The following C1orf21 variants were observed in gnomAD, a reference collection of about 807,000 sequenced individuals.
The protein encoded by C1orf21 is uncharacterized protein C1orf21.
In C1orf21, 3 loss-of-function variants were observed where a neutral mutation model predicts 18.7. The observed-to-expected ratio is 0.16, with a 90% CI of 0.07 to 0.42. C1orf21 has a LOEUF of 0.42. C1orf21 is among the 10% of genes least tolerant of loss of function. The probability of loss-of-function intolerance (pLI) is 0.99; values close to 1 mark genes in which losing one functional copy is unlikely to be tolerated. For synonymous variants in C1orf21, 41 were observed against 46.4 expected, an observed-to-expected ratio of 0.88 and a Z score of 0.47; for missense variants, 104 against 143.6, an observed-to-expected ratio of 0.72 and a Z score of 1.41.
chr1:184,579,714 T>C (rs1259706276), intron 3 of C1orf21, among the ~76,000 whole-genome samples: 1 of 151,942 alleles, frequency 6.6e-6, no homozygotes. Context: ...TTTCACCATG[T>C]TGGTTAGGCT....
intron 2 of C1orf21, among the ~76,000 whole-genome samples, chr1:184,482,183 G>T (rs1199960141): frequency 6.6e-6 from 1 of 152,200 alleles, no homozygotes; most frequent in East Asian, 1.9e-4. Context: ...GCTCAGTCAT[G>T]CAGCTGCATA....
At chr1:184,548,948 A>G (rs893501980) in intron 3 of C1orf21, among the ~76,000 whole-genome samples, 1 of 152,206 alleles carries the variant, frequency 6.6e-6, no homozygotes, top group Non-Finnish European at 1.5e-5. Context: ...TTAATAAAGA[A>G]CATATATTAC....
Position 184,505,306 on chromosome 1 carries a change from AATATATATAT to A in C1orf21, c.95-2256_95-2247del, listed in dbSNP as rs59445875. Among the ~76,000 whole-genome samples, 35 of 66,772 alleles carry A rather than the reference AATATATATAT, an allele frequency of 5.2e-4. 1 individual carries two copies. The highest frequency in any genetic ancestry group is 2.4e-3 in the Admixed American group (12 of 5,094). The allele number at this position is 66,772 out of a possible 152,430, so 43.8% of individuals were successfully genotyped here. A position where few individuals can be genotyped will look rare whatever the true frequency, so the allele number is the denominator to read the frequency against. On this transcript the variant is annotated intron_variant, in intron 2 of 5. Transcript: ENST00000235307. ...AGAATCCACTTGTGATACATAAAGA[AATATATATAT>A]ATATATATATATATATATATATATA...
intron 4 of C1orf21, among the ~76,000 whole-genome samples, chr1:184,593,271 T>TTGGG (rs1659464638): frequency 6.7e-6 from 1 of 149,692 alleles, no homozygotes; most frequent in African/African-American, 2.4e-5. Flanking sequence ...AGCAGCATGC[T>TTGGG]TGTGTGTGTG....
chr1:184,521,738 T>G (rs2101969447), intron 3 of C1orf21, among the ~76,000 whole-genome samples: 1 of 152,236 alleles, frequency 6.6e-6, no homozygotes, highest in South Asian at 2.1e-4. Flanking sequence ...GAGAGTGAAA[T>G]TTAACGTACA....
At chr1:184,581,117 T>C (rs1427846899) in intron 3 of C1orf21, among the ~76,000 whole-genome samples, 2 of 151,986 alleles carry the variant, frequency 1.3e-5, no homozygotes, top group Admixed American at 1.3e-4. Context: ...GGTCGTGTAG[T>C]GTGTGCAGGA....
At chr1:184,429,119 CTT>C (rs1279053894) in intron 1 of C1orf21, among the ~76,000 whole-genome samples, 3 of 152,190 alleles carry the variant, frequency 2.0e-5, no homozygotes, top group Admixed American at 2.0e-4. Context: ...GTGCTAAACA[CTT>C]TGATTACTCA....
rs1659918057 is a variant in C1orf21, at chr1:184,621,671, A to G, written c.*2115A>G. 6.6e-6 allele frequency: 1 copy of G among 152,224 alleles called. No individual in the cohort carries two copies. Among genetic ancestry groups the G allele is most frequent in the African/African-American group, 2.4e-5 (1 of 41,454 alleles). 9.4% of individuals were successfully genotyped at this position (152,224 alleles called of 1,614,324 possible). On this transcript the variant is annotated 3_prime_UTR_variant, in exon 6 of 6. Transcript: ENST00000235307. ...CCAGAAAACCACCACCCTCTACCCA[A>G]AGATGAAACATGCTCATGTCATTTT...
chr1:184,613,914 G>A (rs1659777796), intron 5 of C1orf21, among the ~76,000 whole-genome samples: 1 of 152,102 alleles, frequency 6.6e-6, no homozygotes, highest in Non-Finnish European at 1.5e-5. Context: ...GGCTGAGGAA[G>A]GAAAATTGCT....
rs1053038078 is a variant in C1orf21, at chr1:184,609,083, C to G, written c.328-10435C>G. Among the ~76,000 whole-genome samples, 3 of 152,322 alleles carry G rather than the reference C, an allele frequency of 2.0e-5. No individual in the cohort carries two copies. The East Asian group carries it at 5.8e-4, about 29-fold the overall frequency. On this transcript the variant is annotated intron_variant, in intron 5 of 5. Coordinates refer to ENST00000235307, the MANE Select transcript of C1orf21 (RefSeq NM_030806.4). ...GTGGTCCCTCAAACAGTGTCACCCC[C>G]CTTTGTGGAGAGGAAAGAAAGGAAC...
intron 3 of C1orf21, among the ~76,000 whole-genome samples, chr1:184,531,831 G>A (rs1005889941): frequency 2.6e-5 from 4 of 152,110 alleles, no homozygotes; most frequent in African/African-American, 9.7e-5. Context: ...CTACAGCTGA[G>A]ATTGTATATC....
intron 1 of C1orf21, among the ~76,000 whole-genome samples, chr1:184,465,787 G>C (rs2101985877): frequency 6.6e-6 from 1 of 152,298 alleles, no homozygotes; most frequent in African/African-American, 2.4e-5. Context: ...CTGTTATACT[G>C]TTTTCTGATA....
At chr1:184,547,195 G>A (rs903288847) in intron 3 of C1orf21, among the ~76,000 whole-genome samples, 43 of 152,276 alleles carry the variant, frequency 2.8e-4, no homozygotes, top group African/African-American at 1.0e-3. Flanking sequence ...AGCCAGAAGA[G>A]GCCAGACCAT....
At chr1:184,534,396 A>G (rs1012694805) in intron 3 of C1orf21, among the ~76,000 whole-genome samples, 2 of 152,232 alleles carry the variant, frequency 1.3e-5, no homozygotes, top group Admixed American at 1.3e-4. Flanking sequence ...AGAAGGTGGT[A>G]GAGCTAAAAC....
At chr1:184,394,999 C>T (rs1471602525) in intron 1 of C1orf21, among the ~76,000 whole-genome samples, 1 of 152,060 alleles carries the variant, frequency 6.6e-6, no homozygotes, top group Non-Finnish European at 1.5e-5. Context: ...CTGCCTCACC[C>T]TGGGATATCC....
chr1:184,404,888 AC>A (rs1178593370), intron 1 of C1orf21, among the ~76,000 whole-genome samples: 1 of 152,068 alleles, frequency 6.6e-6, no homozygotes, highest in African/African-American at 2.4e-5. Flanking sequence ...GCAGAGAGAG[AC>A]CTGCTTGGAT....
intron 5 of C1orf21, among the ~76,000 whole-genome samples, chr1:184,602,516 AG>A (rs1659598690): frequency 6.6e-6 from 1 of 152,214 alleles, no homozygotes; most frequent in Admixed American, 6.5e-5. Context: ...CATGATTCAC[AG>A]GCTCCTAGAA....
At chr1:184,565,190 A>C (rs1198910651) in intron 3 of C1orf21, among the ~76,000 whole-genome samples, 1 of 152,258 alleles carries the variant, frequency 6.6e-6, no homozygotes, top group Admixed American at 6.5e-5. Context: ...ATATGCACAC[A>C]CATAATAAAT....
chr1:184,628,871 C>T lies in C1orf21; in HGVS notation c.*9315C>T, dbSNP rs556256277. 1 of 152,648 alleles carries T rather than the reference C, an allele frequency of 6.6e-6. No homozygotes were observed. The highest frequency in any genetic ancestry group is 2.1e-4 in the South Asian group (1 of 4,802). 9.5% of individuals were successfully genotyped at this position (152,648 alleles called of 1,614,324 possible). ...GCTTGAATATTATTTTTGATTTGAC[C>T]ACCAAGATGTAATGATGATTCTATT... On this transcript the variant is annotated 3_prime_UTR_variant, in exon 6 of 6. Transcript: ENST00000235307.
Sources: allele counts gnomAD v4.1 joint callset (sites outside exome capture counted in the v4.1 genomes callset), GRCh38; gene constraint gnomAD v4.1.1; transcripts MANE v1.5; gene names NCBI Gene and HGNC (gene_info 2026-07-23, HGNC 2026-07-21).